HS2ST1: variants seen among roughly 807,000 people sequenced by gnomAD.
HS2ST1 encodes the protein 2-O-sulfotransferase.
In HS2ST1, 18 loss-of-function variants were observed where a neutral mutation model predicts 42.9. That is an observed-to-expected ratio of 0.42 (90% CI 0.29 to 0.62). HS2ST1 has a LOEUF of 0.62. HS2ST1 is among the 20% of genes least tolerant of loss of function. The pLI is 0.21. For synonymous variants in HS2ST1, 146 were observed against 152.9 expected, an observed-to-expected ratio of 0.95 and a Z score of 0.33; for missense variants, 334 against 433.8, an observed-to-expected ratio of 0.77 and a Z score of 2.04.
intron 1 of HS2ST1, among the ~76,000 whole-genome samples, chr1:86,919,136 G>A (rs980775405): frequency 4.6e-5 from 7 of 151,794 alleles, no homozygotes; most frequent in Non-Finnish European, 1.0e-4. Flanking sequence ...GTAGAGACAG[G>A]GTTTCACCAT....
chr1:87,100,896 GACCCTGTCTTTAAAACAAA>G (rs1398868804), intron 5 of HS2ST1, among the ~76,000 whole-genome samples: 3 of 152,144 alleles, frequency 2.0e-5, no homozygotes, highest in Admixed American at 1.3e-4. Flanking sequence ...AACAGAGCAA[GACCCTGTCTTTAAAACAAA>G]AAACAACAAA....
intron 1 of HS2ST1, among the ~76,000 whole-genome samples, chr1:86,985,690 G>T (rs1382065539): frequency 6.6e-6 from 1 of 151,556 alleles, no homozygotes; most frequent in African/African-American, 2.4e-5. Flanking sequence ...AAAAATACCT[G>T]GCAGGAGCAT....
At chr1:86,993,199 C>G in intron 1 of HS2ST1, 2 of 1,522,414 alleles carry the variant, frequency 1.3e-6, no homozygotes, top group Middle Eastern at 1.7e-4. Context: ...TTTAAATCCC[C>G]TGTGATAAAA....
chr1:86,959,466 T>C (rs113319789), intron 1 of HS2ST1, among the ~76,000 whole-genome samples: 7,681 of 152,202 alleles, frequency 0.05, 674 homozygotes, highest in African/African-American at 0.17. Context: ...AAGACCAGCC[T>C]GGCTAACATG....
At chr1:86,993,162 C>T (rs757146860) in intron 1 of HS2ST1, 1 of 1,585,880 alleles carries the variant, frequency 6.3e-7, no homozygotes, top group South Asian at 1.2e-5. Flanking sequence ...CCTAAACCCT[C>T]ATCAACTGAC....
Position 87,045,267 on chromosome 1 carries a change from ATAAAG to A in HS2ST1, c.125-27664_125-27660del, listed in dbSNP as rs1650621258. On this transcript the variant is annotated intron_variant, in intron 1 of 6. Coordinates refer to ENST00000370550, the MANE Select transcript of HS2ST1 (RefSeq NM_012262.4). ...TCTTCACTATGAAGGATGTTGATCA[ATAAAG>A]TATAGTCCTGGAGGAAGTAATCTGC... is the stretch of plus-strand genomic sequence containing the variant. 22 of 1,090,742 alleles carry A rather than the reference ATAAAG, an allele frequency of 2.0e-5. No homozygotes were observed. The South Asian group carries it at 2.7e-4, about 14-fold the overall frequency. The allele number at this position is 1,090,742 out of a possible 1,614,324, so 67.6% of individuals were successfully genotyped here.
intron 1 of HS2ST1, among the ~76,000 whole-genome samples, chr1:86,989,497 T>C (rs935975673): frequency 3.3e-5 from 5 of 152,202 alleles, no homozygotes; most frequent in African/African-American, 1.2e-4. Context: ...AAAGAAGCAA[T>C]AAAAATATTG....
At chr1:86,942,600 G>C (rs942812093) in intron 1 of HS2ST1, among the ~76,000 whole-genome samples, 1 of 152,084 alleles carries the variant, frequency 6.6e-6, no homozygotes, top group Non-Finnish European at 1.5e-5. Context: ...AGGAAAATCA[G>C]CTTTTTGGGG....
rs891904567 is a variant in HS2ST1 at position 87,106,379 on chromosome 1, C to G, written c.*1683C>G. 1 of 152,124 alleles carries G rather than the reference C, an allele frequency of 6.6e-6. No homozygotes were observed. The highest frequency in any genetic ancestry group is 2.4e-5 in the African/African-American group (1 of 41,412). The allele number at this position is 152,124 out of a possible 1,614,324, so 9.4% of individuals were successfully genotyped here. The stretch of plus-strand genomic sequence containing the variant: ...CTAGGGTCAGGGAAACTTTTCTCTT[C>G]AAATTTGAAAGCTGTTTCTGTTTTC... On this transcript the variant is annotated 3_prime_UTR_variant, in exon 7 of 7. Coordinates refer to ENST00000370550, the MANE Select transcript of HS2ST1 (RefSeq NM_012262.4).
chr1:87,080,873 G>A (rs911689061), intron 2 of HS2ST1, among the ~76,000 whole-genome samples: 1 of 152,098 alleles, frequency 6.6e-6, no homozygotes, highest in Non-Finnish European at 1.5e-5. Flanking sequence ...CAGAAGGAAC[G>A]TTTAGACAGC....
At chr1:87,091,212 G>A (rs1005697123) in intron 3 of HS2ST1, among the ~76,000 whole-genome samples, 1 of 151,734 alleles carries the variant, frequency 6.6e-6, no homozygotes, top group Non-Finnish European at 1.5e-5. Context: ...ATTTTTGAAG[G>A]AATTAATGTA....
At chr1:86,963,882 G>A (rs1296950968) in intron 1 of HS2ST1, among the ~76,000 whole-genome samples, 14 of 148,642 alleles carry the variant, frequency 9.4e-5, no homozygotes, top group African/African-American at 2.2e-4. Flanking sequence ...CGGGCGGGGC[G>A]GCTGGCCTGG....
chr1:86,990,985 A>G (rs1648936204), intron 1 of HS2ST1, among the ~76,000 whole-genome samples: 1 of 150,186 alleles, frequency 6.7e-6, no homozygotes, highest in African/African-American at 2.4e-5. Flanking sequence ...GACCCTGTCC[A>G]GTTTCTGTTG....
At chr1:86,957,454 T>C (rs1317620021) in intron 1 of HS2ST1, among the ~76,000 whole-genome samples, 1 of 152,212 alleles carries the variant, frequency 6.6e-6, no homozygotes, top group Non-Finnish European at 1.5e-5. Context: ...AATTGCAACA[T>C]GTGATGTCTC....
intron 1 of HS2ST1, among the ~76,000 whole-genome samples, chr1:87,006,088 A>C (rs925628062): frequency 3.9e-5 from 6 of 152,156 alleles, no homozygotes; most frequent in Admixed American, 1.3e-4. Flanking sequence ...TTAATTAAAA[A>C]ATTTTTGTGA....
intron 1 of HS2ST1, among the ~76,000 whole-genome samples, chr1:87,017,097 G>A (rs1649781079): frequency 6.6e-6 from 1 of 151,912 alleles, no homozygotes; most frequent in African/African-American, 2.4e-5. Flanking sequence ...AGGGAATGAA[G>A]AACAAAATTT....
intron 1 of HS2ST1, among the ~76,000 whole-genome samples, chr1:87,053,758 GT>G (rs765893642): frequency 1.3e-5 from 2 of 152,134 alleles, no homozygotes; most frequent in Non-Finnish European, 2.9e-5. Flanking sequence ...CACTTAAAAT[GT>G]TTAATAGATT....
chr1:86,946,556 T>A (rs1303185570), intron 1 of HS2ST1, among the ~76,000 whole-genome samples: 1 of 152,244 alleles, frequency 6.6e-6, no homozygotes, highest in Non-Finnish European at 1.5e-5. Context: ...GATGGTCGCA[T>A]AACAGAATCT....
At chr1:86,986,957 C>A (rs1648801414) in intron 1 of HS2ST1, among the ~76,000 whole-genome samples, 1 of 152,088 alleles carries the variant, frequency 6.6e-6, no homozygotes, top group Non-Finnish European at 1.5e-5. Flanking sequence ...TTGTCACTCA[C>A]CATAGGCCTG....
Sources: allele counts gnomAD v4.1 joint callset (sites outside exome capture counted in the v4.1 genomes callset), GRCh38; gene constraint gnomAD v4.1.1; transcripts MANE v1.5; gene names NCBI Gene and HGNC (gene_info 2026-07-23, HGNC 2026-07-21).